The following DAB2IP variants were observed in gnomAD, a reference collection of about 807,000 sequenced individuals.
DAB2IP encodes DAB2 interacting protein.
DAB2IP carries 28 observed loss-of-function variants against 107.2 expected under a neutral mutation model. That is an observed-to-expected ratio of 0.26 (90% CI 0.19 to 0.36). The LOEUF is 0.36. Among genes scored for constraint, DAB2IP ranks in the 10% least tolerant of loss-of-function variants. The probability of loss-of-function intolerance (pLI) is 1.00; values close to 1 mark genes in which losing one functional copy is unlikely to be tolerated. For missense variants in DAB2IP, 1,400 were observed against 1,644.7 expected (o/e 0.85, Z 2.57); for synonymous variants, 755 against 706.4 (o/e 1.07, Z -1.09).
chr9:121,716,956 T>C (rs1235454238), intron 3 of DAB2IP, among the ~76,000 whole-genome samples: 2 of 152,198 alleles, frequency 1.3e-5, no homozygotes, highest in Non-Finnish European at 2.9e-5. Flanking sequence ...TCTGTCTCCT[T>C]TGCTCCTAGC....
intron 3 of DAB2IP, among the ~76,000 whole-genome samples, chr9:121,752,680 G>A (rs891199832): frequency 2.0e-5 from 3 of 152,252 alleles, no homozygotes; most frequent in African/African-American, 7.2e-5. Context: ...GGCCTGGTCA[G>A]GTGGAGCAGG....
intron 1 of DAB2IP, among the ~76,000 whole-genome samples, chr9:121,672,749 C>CT (rs1833733660): frequency 6.6e-6 from 1 of 152,174 alleles, no homozygotes; most frequent in Admixed American, 6.5e-5. Flanking sequence ...GGGGCGCACT[C>CT]TTAAGAGATC....
chr9:121,686,688 C>T (rs1828896687), intron 2 of DAB2IP, among the ~76,000 whole-genome samples: 1 of 152,186 alleles, frequency 6.6e-6, no homozygotes, highest in Non-Finnish European at 1.5e-5. Context: ...CAAGTTGCCC[C>T]ACTCTCTTTC....
chr9:121,724,645 A>G (rs1308443832), intron 3 of DAB2IP, among the ~76,000 whole-genome samples: 1 of 152,258 alleles, frequency 6.6e-6, no homozygotes, highest in Admixed American at 6.5e-5. Flanking sequence ...ACAAACAAAC[A>G]TTTAATTGTA....
Position 121,768,646 on chromosome 9 carries a change from G to C in DAB2IP, c.1899+13G>C. 6.2e-7 allele frequency: 1 copy of C among 1,612,628 alleles called. No individual in the cohort carries two copies. The highest frequency in any genetic ancestry group is 1.1e-5 in the South Asian group (1 of 91,034). On this transcript the variant is annotated intron_variant, in intron 10 of 15. Coordinates refer to ENST00000408936, the Ensembl canonical transcript of DAB2IP. ...CCAGCTGGAGCAGGTGCCTGTTGCC[G>C]TGGGGCGGAGGTGGGGCCAAAAGCT...
At chr9:121,686,640 A>T (rs929883603) in intron 2 of DAB2IP, among the ~76,000 whole-genome samples, 3 of 152,078 alleles carry the variant, frequency 2.0e-5, no homozygotes, top group Non-Finnish European at 4.4e-5. Flanking sequence ...GCAGGATTAG[A>T]ATCTTGGCCA....
chr9:121,767,622 C>T (rs1031561631), intron 9 of DAB2IP, among the ~76,000 whole-genome samples: 1 of 152,180 alleles, frequency 6.6e-6, no homozygotes, highest in Non-Finnish European at 1.5e-5. Flanking sequence ...CCAGACAGGG[C>T]TGTGGGAGCC....
chr9:121,707,983 C>T (rs908337464), intron 3 of DAB2IP, among the ~76,000 whole-genome samples: 9 of 152,168 alleles, frequency 5.9e-5, no homozygotes, highest in African/African-American at 2.2e-4. Context: ...AAACCCAGGG[C>T]AGAGGAGGAC....
rs138170878 is a variant in DAB2IP, at chr9:121,602,732, C to T, written c.40+35504C>T. On this transcript the variant is annotated intron_variant, in intron 1 of 16. Coordinates refer to the DAB2IP transcript ENST00000259371. ...CTGGGACTACAGGCGCCCGCCACCA[C>T]GCCCGGCTAATTTTTTGTATTTTTA... Among the ~76,000 whole-genome samples, 234 of 152,178 alleles carry T rather than the reference C, an allele frequency of 1.5e-3. 3 individuals carry two copies. The East Asian group carries it at 0.038, about 25-fold the overall frequency.
intron 3 of DAB2IP, among the ~76,000 whole-genome samples, chr9:121,728,351 T>C (rs1488280200): frequency 6.6e-6 from 1 of 152,248 alleles, no homozygotes; most frequent in African/African-American, 2.4e-5. Flanking sequence ...GGAACTGCAG[T>C]TTCAGGCCAT....
At chr9:121,604,652 C>T (rs938258647) in intron 1 of DAB2IP, among the ~76,000 whole-genome samples, 1 of 152,212 alleles carries the variant, frequency 6.6e-6, no homozygotes, top group Admixed American at 6.5e-5. Flanking sequence ...ATTTCACCTC[C>T]ATTTGTTCTC....
chr9:121,567,494 C>T (rs949212451), intron 1 of DAB2IP, among the ~76,000 whole-genome samples: 3 of 152,210 alleles, frequency 2.0e-5, no homozygotes, highest in African/African-American at 7.2e-5. Flanking sequence ...TTCTGTTTTG[C>T]TCCTGGCCAA....
At chr9:121,774,469 G>T (rs2119018785) in intron 13 of DAB2IP, 57 bp downstream of exon 13, 9 of 1,511,300 alleles carry the variant, frequency 6.0e-6, no homozygotes, top group Middle Eastern at 1.9e-4. Context: ...GGCAGCAGCT[G>T]GTAGGAGTCT....
At chr9:121,598,283 T>C (rs909798810) in intron 1 of DAB2IP, 1 of 152,336 alleles carries the variant, frequency 6.6e-6, no homozygotes, top group Admixed American at 6.5e-5. Context: ...TAACTGGTTC[T>C]GTCTGTACGA....
chr9:121,638,770 A>G (rs1832177927), intron 1 of DAB2IP, among the ~76,000 whole-genome samples: 1 of 152,188 alleles, frequency 6.6e-6, no homozygotes, highest in Non-Finnish European at 1.5e-5. Context: ...AAAGGTAGAG[A>G]TGGCGATGCC....
In DAB2IP at chr9:121,761,850, G is replaced by C. The variant is rs1035817201; in HGVS notation, c.1170+1411G>C. ...ATGGGCACCAGAGAGGGAGTGATGGGGGCTGCAGAGGCTGCATTATTTTCT... is the reference window on the plus strand; with the variant it reads ...ATGGGCACCAGAGAGGGAGTGATGGCGGCTGCAGAGGCTGCATTATTTTCT... On this transcript the variant is annotated intron_variant, in intron 6 of 15. Transcript: ENST00000408936. Among the ~76,000 whole-genome samples the C allele has an allele frequency of 1.3e-5, 2 of 152,172 alleles. 1 individual carries two copies. Among genetic ancestry groups the C allele is most frequent in the South Asian group, 4.1e-4 (2 of 4,826 alleles).
At chr9:121,720,034 C>T (rs1830832888) in intron 3 of DAB2IP, among the ~76,000 whole-genome samples, 2 of 152,208 alleles carry the variant, frequency 1.3e-5, no homozygotes, top group Non-Finnish European at 2.9e-5. Context: ...TTCACCAAGC[C>T]TGGCAACTCT....
At chr9:121,694,313 C>G (rs1028772984) in intron 2 of DAB2IP, among the ~76,000 whole-genome samples, 1 of 152,152 alleles carries the variant, frequency 6.6e-6, no homozygotes, top group African/African-American at 2.4e-5. Flanking sequence ...TGCATTCCCC[C>G]ACCCGGAAAT....
chr9:121,575,170 C>G (rs1830027695), intron 1 of DAB2IP: 1 of 152,222 alleles, frequency 6.6e-6, no homozygotes, highest in Non-Finnish European at 1.5e-5. Context: ...ATTTCACTTC[C>G]CATAGGCTCC....
Sources: allele counts gnomAD v4.1 joint callset (sites outside exome capture counted in the v4.1 genomes callset), GRCh38; gene constraint gnomAD v4.1.1; transcripts MANE v1.5; gene names NCBI Gene and HGNC (gene_info 2026-07-23, HGNC 2026-07-21).